Variants in WWP1 observed in about 807,000 individuals in gnomAD.
WWP1 encodes WW domain containing E3 ubiquitin protein ligase 1.
In WWP1, 49 loss-of-function variants were observed where a neutral mutation model predicts 130.6. The observed-to-expected ratio is 0.38, with a 90% CI of 0.30 to 0.48. The LOEUF is 0.48. WWP1 is among the 20% of genes least tolerant of loss of function. The probability of loss-of-function intolerance (pLI) is 0.99; values close to 1 mark genes in which losing one functional copy is unlikely to be tolerated. For missense variants in WWP1, 809 were observed against 1,100.6 expected, an observed-to-expected ratio of 0.74 and a Z score of 3.75; for synonymous variants, 332 against 367.8, an observed-to-expected ratio of 0.90 and a Z score of 1.11.
Position 86,402,202 on chromosome 8 carries a change from T to A in WWP1, c.723T>A (p.Thr241=). Residue 241 remains threonine (T), a splice_region_variant and synonymous_variant, in exon 8 of 25, where the codon ACT becomes ACA. Transcript: ENST00000517970. ...TCGCATCTGAGCCTGCCGATGACAC[T>A]GGTAAGCAAGGCTATTTATGACACC... The part of the protein sequence containing the change: ...KPLASEPADD[T]VNGESSSFAP... 1 of 1,613,140 alleles carries A rather than the reference T, an allele frequency of 6.2e-7. No individual in the cohort carries two copies. The highest frequency in any genetic ancestry group is 8.5e-7 in the Non-Finnish European group (1 of 1,179,610).
At chr8:86,442,555 T>TG (rs1445571765) in intron 17 of WWP1, 64 bp from the exon 18 acceptor site, 15 of 1,419,748 alleles carry the variant, frequency 1.1e-5, no homozygotes, top group African/African-American at 1.4e-5. Flanking sequence ...ATGAATATAT[T>TG]TAAGATCTGT....
intron 5 of WWP1, among the ~76,000 whole-genome samples, chr8:86,384,825 AC>A (rs768579597): frequency 2.0e-5 from 3 of 152,036 alleles, no homozygotes; most frequent in Non-Finnish European, 4.4e-5. Flanking sequence ...ACATGGTGAA[AC>A]CCCATCTCTA....
rs1383255294 is a variant in WWP1, at chr8:86,342,590, C to A, written c.-455C>A. ...GAGGCTTTGGGCGGCCGCGGCGTAG[C>A]GCGCGGTGCCGGGGCCGGCGGGGAG... On this transcript the variant is annotated 5_prime_UTR_variant, in exon 1 of 25. Transcript: ENST00000517970. The A allele has an allele frequency of 6.1e-6, 1 of 163,480 alleles. No homozygotes were observed. Among genetic ancestry groups the A allele is most frequent in the African/African-American group, 2.4e-5 (1 of 41,362 alleles). The allele number at this position is 163,480 out of a possible 1,614,324, so 10.1% of individuals were successfully genotyped here.
chr8:86,442,215 A>T (rs965842059), intron 17 of WWP1: 2 of 153,314 alleles, frequency 1.3e-5, no homozygotes, highest in Non-Finnish European at 2.9e-5. Flanking sequence ...GGGGCAAGTC[A>T]TGTGCATAAA....
intron 2 of WWP1, among the ~76,000 whole-genome samples, chr8:86,372,097 C>T (rs1012253131): frequency 6.3e-5 from 9 of 143,046 alleles, no homozygotes; most frequent in Non-Finnish European, 1.4e-4. Context: ...GATCTCGACT[C>T]ACTGCAAGCT....
chr8:86,369,972 A>G (rs556543673), intron 2 of WWP1, among the ~76,000 whole-genome samples: 118 of 152,312 alleles, frequency 7.7e-4, no homozygotes, highest in African/African-American at 2.8e-3. Context: ...CAATAATAAA[A>G]AACATTTGGG....
intron 1 of WWP1, among the ~76,000 whole-genome samples, chr8:86,353,687 T>G (rs1394136659): frequency 6.6e-6 from 1 of 152,192 alleles, no homozygotes; most frequent in Non-Finnish European, 1.5e-5. Context: ...TTCACCATGT[T>G]GGCCAGGCTG....
chr8:86,371,237 A>G (rs1824280395), intron 2 of WWP1, among the ~76,000 whole-genome samples: 3 of 151,994 alleles, frequency 2.0e-5, no homozygotes, highest in East Asian at 1.9e-4. Context: ...GCTCCATTGT[A>G]TGAGTTAGGC....
intron 11 of WWP1, 54 bp from the exon 12 acceptor site, chr8:86,430,643 T>C (rs1214960219): frequency 3.5e-6 from 5 of 1,435,820 alleles, no homozygotes; most frequent in African/African-American, 2.9e-5. Flanking sequence ...TATTTCTACT[T>C]TCATATTAAA....
At chr8:86,389,708 T>C (rs1825511405) in intron 5 of WWP1, among the ~76,000 whole-genome samples, 1 of 152,146 alleles carries the variant, frequency 6.6e-6, no homozygotes, top group Admixed American at 6.5e-5. Context: ...GCAGACGGGC[T>C]CCTCACTTCC....
At chr8:86,466,690 G>T (rs1812181258) in intron 24 of WWP1, 104 bp from the exon 25 acceptor site, 1 of 695,676 alleles carries the variant, frequency 1.4e-6, no homozygotes. Context: ...AACATATATA[G>T]TATACATATA....
intron 1 of WWP1, among the ~76,000 whole-genome samples, chr8:86,359,311 A>G (rs925921794): frequency 5.3e-5 from 8 of 152,090 alleles, no homozygotes; most frequent in East Asian, 1.9e-4. Flanking sequence ...GCTATAAACA[A>G]CTCTAACAGT....
chr8:86,361,767 C>T (rs1336580308), intron 1 of WWP1, among the ~76,000 whole-genome samples: 2 of 151,916 alleles, frequency 1.3e-5, no homozygotes, highest in African/African-American at 2.4e-5. Context: ...AACTCTTTAC[C>T]TCTTACCTCC....
rs964237603 is a variant in WWP1 at position 86,445,102 on chromosome 8, C to G, written c.1998+2324C>G. On this transcript the variant is annotated intron_variant, in intron 18 of 24. Transcript: ENST00000517970. ...AAGGGTGGGGAGGAAGTGCCATACT[C>G]TTTTTAAAACCAGCTCTGTAGGGAA... Among the ~76,000 whole-genome samples, 4 of 152,198 alleles carry G rather than the reference C, an allele frequency of 2.6e-5. No individual in the cohort carries two copies. The South Asian group carries it at 8.3e-4, about 32-fold the overall frequency.
chr8:86,432,829 G>A (rs1330354179), intron 14 of WWP1, among the ~76,000 whole-genome samples: 1 of 152,000 alleles, frequency 6.6e-6, no homozygotes, highest in African/African-American at 2.4e-5. Context: ...GCTGGTCTCG[G>A]ACTCCTGACC....
chr8:86,381,746 G>A, intron 5 of WWP1, 117 bp downstream of exon 5: 1 of 1,011,658 alleles, frequency 9.9e-7, no homozygotes, highest in Non-Finnish European at 1.3e-6. Context: ...TTCAGTTATT[G>A]CTTGTGATTG....
intron 1 of WWP1, among the ~76,000 whole-genome samples, chr8:86,366,950 T>C (rs1824009973): frequency 6.6e-6 from 1 of 152,230 alleles, no homozygotes; most frequent in African/African-American, 2.4e-5. Context: ...TTTAATGAAA[T>C]ATTTATTTTA....
intron 1 of WWP1, among the ~76,000 whole-genome samples, chr8:86,366,531 T>C (rs531220091): frequency 2.7e-4 from 41 of 152,342 alleles, no homozygotes; most frequent in South Asian, 4.1e-4. Flanking sequence ...TCCAGTGATA[T>C]GATTTTGAGC....
chr8:86,438,766 T>A, intron 17 of WWP1, 93 bp downstream of exon 17: 1 of 1,079,502 alleles, frequency 9.3e-7, no homozygotes, highest in Non-Finnish European at 1.3e-6. Flanking sequence ...TATATTGTAT[T>A]AAATTTTTGA....
Sources: allele counts gnomAD v4.1 joint callset (sites outside exome capture counted in the v4.1 genomes callset), GRCh38; gene constraint gnomAD v4.1.1; transcripts MANE v1.5; gene names NCBI Gene and HGNC (gene_info 2026-07-23, HGNC 2026-07-21).